The following HSPA4L variants were observed in gnomAD, a reference collection of about 807,000 sequenced individuals.
HSPA4L encodes heat shock protein family A (Hsp70) member 4 like.
HSPA4L carries 48 observed loss-of-function variants against 100.3 expected under a neutral mutation model. The ratio of observed to expected loss-of-function variants is 0.48; its 90% CI spans 0.38 to 0.61. The LOEUF is 0.61. Ranked by LOEUF, HSPA4L falls within the 20% of genes least tolerant of loss-of-function variation. The pLI, the probability that HSPA4L is intolerant of heterozygous loss-of-function variation, is 0.00. For synonymous variants in HSPA4L, 319 were observed against 328.2 expected, an observed-to-expected ratio of 0.97 and a Z score of 0.30; for missense variants, 886 against 988.6, an observed-to-expected ratio of 0.90 and a Z score of 1.39.
intron 12 of HSPA4L, among the ~76,000 whole-genome samples, chr4:127,815,090 A>G (rs1733638141): frequency 1.3e-5 from 2 of 152,064 alleles, no homozygotes; most frequent in African/African-American, 4.8e-5. Context: ...GCTCTGAGGT[A>G]GATAAAGAGG....
Position 127,803,680 on chromosome 4 carries a change from G to T in HSPA4L, c.715G>T (p.Ala239Ser). ...PYLGGRNFDE[A>S]LVDYFCDEFK... ...TTTGGGTGGCAGGAACTTTGATGAG[G>T]CTTTAGTAGACTACTTCTGTGATGA... The change falls in exon 7 of 19, where the codon GCT becomes TCT. Residue 239 changes from alanine to serine, a missense_variant. Coordinates refer to ENST00000296464, the MANE Select transcript of HSPA4L (RefSeq NM_014278.4). 6.2e-7 allele frequency: 1 copy of T among 1,613,578 alleles called. No individual in the cohort carries two copies. The highest frequency in any genetic ancestry group is 8.5e-7 in the Non-Finnish European group (1 of 1,179,774).
intron 13 of HSPA4L, among the ~76,000 whole-genome samples, chr4:127,819,615 G>C (rs757614315): frequency 2.2e-4 from 33 of 152,106 alleles, no homozygotes; most frequent in Admixed American, 3.9e-4. Context: ...GAGAAGCCTT[G>C]TTATCTATTA....
intron 4 of HSPA4L, among the ~76,000 whole-genome samples, chr4:127,799,844 C>T (rs1050588865): frequency 1.3e-5 from 2 of 151,964 alleles, no homozygotes; most frequent in Non-Finnish European, 2.9e-5. Flanking sequence ...TGTAAGTGCT[C>T]AATGAATATT....
intron 1 of HSPA4L, among the ~76,000 whole-genome samples, chr4:127,783,213 C>T (rs1402270718): frequency 2.0e-5 from 3 of 149,980 alleles, no homozygotes; most frequent in African/African-American, 7.4e-5. Context: ...GGGAGTGAGG[C>T]ATGTGGGGTT....
At chr4:127,796,736 T>C (rs1248563303) in intron 3 of HSPA4L, among the ~76,000 whole-genome samples, 1 of 152,204 alleles carries the variant, frequency 6.6e-6, no homozygotes, top group African/African-American at 2.4e-5. Context: ...TACTGTATGA[T>C]TCCTTTTATA....
In HSPA4L at chr4:127,803,772, A is replaced by G. The variant is rs753024871; in HGVS notation, c.807A>G (p.Glu269=). The G allele has an allele frequency of 6.2e-7, 1 of 1,614,048 alleles. No homozygotes were observed. Among genetic ancestry groups the G allele is most frequent in the South Asian group, 1.1e-5 (1 of 91,082 alleles). ...NSRALLRLYQ[E]CEKLKKLMSA... ...GGGCCTTGTTGCGTTTATATCAGGA[A>G]TGTGAAAAACTAAAGAAGCTAATGA... Residue 269 remains glutamate, a synonymous_variant, in exon 7 of 19, where the codon GAA becomes GAG. Transcript: ENST00000296464.
chr4:127,832,961 AGTT>A lies in HSPA4L; in HGVS notation c.*91_*93del, dbSNP rs1734124997. 2.1e-6 allele frequency: 2 copies of A among 944,564 alleles called. No homozygotes were observed. Among genetic ancestry groups the A allele is most frequent in the Non-Finnish European group, 3.0e-6 (2 of 655,914 alleles). The allele number at this position is 944,564 out of a possible 1,614,324, so 58.5% of individuals were successfully genotyped here. A position where few individuals can be genotyped will look rare whatever the true frequency, so the allele number is the denominator to read the frequency against. On this transcript the variant is annotated 3_prime_UTR_variant, in exon 19 of 19. Coordinates refer to ENST00000296464, the MANE Select transcript of HSPA4L (RefSeq NM_014278.4). ...CATCTGGTACACACAACAGACGCTC[AGTT>A]GTTCTTAACCACTTTTGTCATTTGT...
rs1453271310 is a variant in HSPA4L, at chr4:127,833,803, C to T, written c.*929C>T. On this transcript the variant is annotated 3_prime_UTR_variant, in exon 19 of 19. Transcript: ENST00000296464. The stretch of plus-strand genomic sequence containing the variant: ...GTGGCACAGTGTATTGCATTATATA[C>T]ATTTATCATTGATTTACCTAATGTT... 6.6e-6 allele frequency: 1 copy of T among 152,102 alleles called. No individual in the cohort carries two copies. Among genetic ancestry groups the T allele is most frequent in the Non-Finnish European group, 1.5e-5 (1 of 67,988 alleles). The allele number at this position is 152,102 out of a possible 1,614,324, so 9.4% of individuals were successfully genotyped here.
Position 127,807,988 on chromosome 4 carries a change from C to A in HSPA4L, c.1245-8C>A. 1.2e-6 allele frequency: 2 copies of A among 1,603,970 alleles called. No homozygotes were observed. The highest frequency in any genetic ancestry group is 1.1e-5 in the South Asian group (1 of 88,168). On this transcript the variant is annotated splice_region_variant and splice_polypyrimidine_tract_variant and intron_variant, in intron 10 of 18. Coordinates refer to ENST00000296464, the MANE Select transcript of HSPA4L (RefSeq NM_014278.4). ...TGTTTCTAAGTGAGTTCTTTCCCTC[C>A]ATTTTAGGGAATGTGAAGTTTTCTG...
At chr4:127,801,004 C>G (rs1733159043) in intron 4 of HSPA4L, 134 bp from the exon 5 acceptor site, 1 of 568,074 alleles carries the variant, frequency 1.8e-6, no homozygotes, top group South Asian at 2.8e-5. Flanking sequence ...AAATAAAACA[C>G]TAGTATTTTT....
intron 16 of HSPA4L, among the ~76,000 whole-genome samples, chr4:127,826,522 G>T (rs931572168): frequency 1.3e-5 from 2 of 152,160 alleles, no homozygotes; most frequent in Admixed American, 6.5e-5. Context: ...TCTGAATAAA[G>T]ACTGTAGTCC....
intron 2 of HSPA4L, among the ~76,000 whole-genome samples, chr4:127,794,366 G>A (rs1732962449): frequency 6.6e-6 from 1 of 151,958 alleles, no homozygotes; most frequent in Non-Finnish European, 1.5e-5. Context: ...AAGTTAGGGT[G>A]TGCTACTATG....
chr4:127,832,466 G>C (rs1345189651), intron 18 of HSPA4L, among the ~76,000 whole-genome samples: 2 of 152,090 alleles, frequency 1.3e-5, no homozygotes, highest in African/African-American at 4.8e-5. Context: ...AAAAATAATT[G>C]TTTAAGATTC....
At position 127,823,631 on chromosome 4, in the gene HSPA4L, T is replaced by A; in HGVS notation, c.2046+7T>A. On this transcript the variant is annotated splice_region_variant and intron_variant, in intron 16 of 18. Transcript: ENST00000296464. ...TAAGCTTCAAGAACTAAAGGTACAT[T>A]TTTTTAAAGTCCATGTTAGTATAAA... 1 of 1,568,786 alleles carries A rather than the reference T, an allele frequency of 6.4e-7. No homozygotes were observed. The highest frequency in any genetic ancestry group is 8.8e-7 in the Non-Finnish European group (1 of 1,139,442).
At chr4:127,791,585 G>A (rs1578690270) in intron 1 of HSPA4L, among the ~76,000 whole-genome samples, 1 of 152,286 alleles carries the variant, frequency 6.6e-6, no homozygotes, top group East Asian at 1.9e-4. Flanking sequence ...CTGTCACCAA[G>A]TCCTTTAAGT....
At chr4:127,832,101 T>C (rs1734098634) in intron 18 of HSPA4L, among the ~76,000 whole-genome samples, 2 of 152,180 alleles carry the variant, frequency 1.3e-5, no homozygotes, top group African/African-American at 4.8e-5. Flanking sequence ...ATTTGAGTAG[T>C]GTTTGTATAG....
intron 12 of HSPA4L, among the ~76,000 whole-genome samples, chr4:127,817,735 C>T (rs901927449): frequency 1.3e-5 from 2 of 152,132 alleles, no homozygotes; most frequent in Non-Finnish European, 2.9e-5. Context: ...TTACATTTTA[C>T]AATTTAAAGA....
chr4:127,832,529 T>C (rs1388196055), intron 18 of HSPA4L, among the ~76,000 whole-genome samples, 154 bp from the exon 19 acceptor site: 2 of 152,204 alleles, frequency 1.3e-5, no homozygotes, highest in Non-Finnish European at 2.9e-5. Context: ...AAATCTCTCA[T>C]GAGGCATTTG....
chr4:127,809,096 G>A (rs552606003), intron 11 of HSPA4L: 11 of 594,722 alleles, frequency 1.8e-5, no homozygotes, highest in East Asian at 1.4e-4. Context: ...AGGCGGTCCC[G>A]GAGTTCTTGC....
Sources: allele counts gnomAD v4.1 joint callset (sites outside exome capture counted in the v4.1 genomes callset), GRCh38; gene constraint gnomAD v4.1.1; transcripts MANE v1.5; gene names NCBI Gene and HGNC (gene_info 2026-07-23, HGNC 2026-07-21).